The following GCNT2 variants were observed in gnomAD, a reference collection of about 807,000 sequenced individuals.
GCNT2 encodes the protein glucosaminyl (N-acetyl) transferase 2 (I blood group), also known as N-acetyllactosaminide beta-1,6-N-acetylglucosaminyl-transferase.
GCNT2 carries 34 observed loss-of-function variants against 34.2 expected under a neutral mutation model. The ratio of observed to expected loss-of-function variants is 1.00; its 90% CI spans 0.76 to 1.32. GCNT2 has a LOEUF of 1.32. Ranked by LOEUF, GCNT2 falls within the 40% of genes most tolerant of loss-of-function variation. The pLI is 0.00. For synonymous variants in GCNT2, 212 were observed against 188.0 expected (o/e 1.13, Z -1.04); for missense variants, 584 against 489.4 (o/e 1.19, Z -1.82).
At chr6:10,580,090 T>C (rs755957789) in intron 3 of GCNT2, among the ~76,000 whole-genome samples, 11 of 152,248 alleles carry the variant, frequency 7.2e-5, no homozygotes, top group Non-Finnish European at 1.6e-4. Context: ...ATTTAAAGGA[T>C]GTAAGCTTTG....
chr6:10,557,004 C>T, intron 3 of GCNT2: 2 of 1,613,574 alleles, frequency 1.2e-6, no homozygotes, highest in African/African-American at 1.3e-5. Flanking sequence ...CAAGACTTCC[C>T]CCTGAAAACC....
rs1267711740 is a variant in GCNT2 at position 10,585,770 on chromosome 6, G to A, written c.926-35581G>A. 5.6e-6 allele frequency: 8 copies of A among 1,422,132 alleles called. No individual in the cohort carries two copies. The Admixed American group carries it at 1.5e-4, about 26-fold the overall frequency. The allele number at this position is 1,422,132 out of a possible 1,614,324, so 88.1% of individuals were successfully genotyped here. ...CAACCCTGGGGAACTGCAGACCAAAGTGAGAGAGGGACGCACCGCATCTCC... is the reference window on the plus strand; with the variant it reads ...CAACCCTGGGGAACTGCAGACCAAAATGAGAGAGGGACGCACCGCATCTCC... On this transcript the variant is annotated intron_variant, in intron 3 of 4. Coordinates refer to ENST00000495262, the MANE Select transcript of GCNT2 (RefSeq NM_145649.5).
intron 3 of GCNT2, among the ~76,000 whole-genome samples, chr6:10,594,401 G>A (rs764923726): frequency 3.3e-5 from 5 of 152,196 alleles, no homozygotes; most frequent in Non-Finnish European, 7.3e-5. Context: ...AAAGTGGTAT[G>A]CAAATAACTG....
chr6:10,589,170 T>C (rs1440857630), intron 3 of GCNT2, among the ~76,000 whole-genome samples: 10 of 109,724 alleles, frequency 9.1e-5, no homozygotes, highest in Non-Finnish European at 1.7e-4. Flanking sequence ...GTGTGGTGTG[T>C]GTGTGGTGTA....
chr6:10,586,250 C>T (rs1764337681), intron 3 of GCNT2: 2 of 1,614,042 alleles, frequency 1.2e-6, no homozygotes, highest in African/African-American at 1.3e-5. Flanking sequence ...TCACAAGTCC[C>T]CTGTCGGAAG....
chr6:10,614,836 A>T (rs994860212), intron 3 of GCNT2, among the ~76,000 whole-genome samples: 14 of 152,032 alleles, frequency 9.2e-5, no homozygotes, highest in African/African-American at 3.4e-4. Flanking sequence ...TTGCATTGGG[A>T]ATGGACGCGC....
intron 3 of GCNT2, chr6:10,573,259 G>C (rs1246839384): frequency 2.0e-6 from 2 of 984,946 alleles, no homozygotes; most frequent in East Asian, 2.3e-4. Flanking sequence ...TCAGAGAAAA[G>C]TTGTTGTGCA....
chr6:10,589,052 TGTGTGGTGTGTGTGTAGTGTGTGGC>T (rs1764499358), intron 3 of GCNT2, among the ~76,000 whole-genome samples: 2 of 146,514 alleles, frequency 1.4e-5, no homozygotes. Context: ...GTATGGTGTG[TGTGTGGTGTGTGTGTAGTGTGTGGC>T]GTGTTTGTAG....
intron 3 of GCNT2, among the ~76,000 whole-genome samples, chr6:10,532,428 C>T (rs1489598029): frequency 6.6e-6 from 1 of 152,198 alleles, no homozygotes; most frequent in East Asian, 1.9e-4. Flanking sequence ...CTGACCAGCT[C>T]TGCCAACTCT....
In GCNT2 at chr6:10,602,849, T is replaced by C. The variant is rs191568706; in HGVS notation, c.926-18502T>C. Among the ~76,000 whole-genome samples the C allele has an allele frequency of 4.6e-3, 699 of 152,242 alleles. 3 individuals are homozygous for C. Among genetic ancestry groups the C allele is most frequent in the Middle Eastern group, 6.8e-3 (2 of 294 alleles). ...TTTGTCTGGTGGAGTCATTAAGAAC[T>C]TTTCCCCCGGTTACAAACAAAACAG... is the stretch of plus-strand genomic sequence containing the variant. On this transcript the variant is annotated intron_variant, in intron 3 of 4. Transcript: ENST00000495262.
chr6:10,614,725 A>T (rs992204252), intron 3 of GCNT2, among the ~76,000 whole-genome samples: 1 of 151,996 alleles, frequency 6.6e-6, no homozygotes, highest in Admixed American at 6.6e-5. Flanking sequence ...GCCATGTCCT[A>T]TTGGGAAATC....
At position 10,592,026 on chromosome 6, in the gene GCNT2, A is replaced by G. The variant is rs189308978; in HGVS notation, c.926-29325A>G. On this transcript the variant is annotated intron_variant, in intron 3 of 4. Transcript: ENST00000495262. ...AGGACCACAAAGGATTCATTCACTC[A>G]TGCTGATTGGACCCGTGACTGAGAA... Among the ~76,000 whole-genome samples, 28 of 152,316 alleles carry G rather than the reference A, an allele frequency of 1.8e-4. No individual in the cohort carries two copies. The East Asian group carries it at 3.3e-3, about 18-fold the overall frequency.
chr6:10,597,320 G>A (rs924903947), intron 3 of GCNT2, among the ~76,000 whole-genome samples: 8 of 151,656 alleles, frequency 5.3e-5, no homozygotes, highest in African/African-American at 1.5e-4. Context: ...CATGCCAGGC[G>A]AATTTTTTGT....
chr6:10,617,808 G>T (rs1203660454), intron 3 of GCNT2, among the ~76,000 whole-genome samples: 3 of 143,756 alleles, frequency 2.1e-5, no homozygotes, highest in Non-Finnish European at 3.0e-5. Flanking sequence ...AGGCTGGAGT[G>T]CAGTGCTGCA....
At chr6:10,571,469 C>T (rs1763552091) in intron 3 of GCNT2, among the ~76,000 whole-genome samples, 1 of 152,118 alleles carries the variant, frequency 6.6e-6, no homozygotes, top group Admixed American at 6.5e-5. Flanking sequence ...CTCCCTGCCT[C>T]AGCCTCCCGA....
chr6:10,529,041 C>T lies in GCNT2; in HGVS notation c.130C>T (p.Leu44=). Residue 44 remains leucine (L), a synonymous_variant, in exon 3 of 5, where the codon CTG becomes TTG. Transcript: ENST00000495262. ...GAGGGCAGCTCTGTCCAATGCTTCACTGTTAGCAGAAGCCTGTCATCAGAT... is the reference window on the plus strand; with the variant it reads ...GAGGGCAGCTCTGTCCAATGCTTCATTGTTAGCAGAAGCCTGTCATCAGAT... ...FLRAALSNAS[L]LAEACHQIFE... is the part of the protein sequence containing the mutation. 2 of 1,614,112 alleles carry T rather than the reference C, an allele frequency of 1.2e-6. No homozygotes were observed. Among genetic ancestry groups the T allele is most frequent in the Non-Finnish European group, 1.7e-6 (2 of 1,179,954 alleles).
At chr6:10,580,274 G>GCGGGGT (rs1764013334) in intron 3 of GCNT2, among the ~76,000 whole-genome samples, 2 of 150,982 alleles carry the variant, frequency 1.3e-5, no homozygotes, top group African/African-American at 5.0e-5. Flanking sequence ...AGGGGTCAGG[G>GCGGGGT]GGGTGGGGAG....
intron 3 of GCNT2, among the ~76,000 whole-genome samples, chr6:10,592,086 T>C (rs948952088): frequency 1.4e-5 from 2 of 139,800 alleles, no homozygotes; most frequent in African/African-American, 5.1e-5. Flanking sequence ...GGTAGAATCA[T>C]GTCTTAACAA....
chr6:10,601,912 G>T (rs974079619), intron 3 of GCNT2, among the ~76,000 whole-genome samples: 5 of 142,324 alleles, frequency 3.5e-5, no homozygotes, highest in Non-Finnish European at 6.0e-5. Flanking sequence ...CTGCACTCCA[G>T]CCTGGGCAAC....
Sources: allele counts gnomAD v4.1 joint callset (sites outside exome capture counted in the v4.1 genomes callset), GRCh38; gene constraint gnomAD v4.1.1; transcripts MANE v1.5; gene names NCBI Gene and HGNC (gene_info 2026-07-23, HGNC 2026-07-21).